CHST9: variants seen among roughly 807,000 people sequenced by gnomAD.
CHST9 encodes carbohydrate sulfotransferase 9.
Under a neutral mutation model 44.4 loss-of-function variants are expected in CHST9, and 41 were observed. The observed-to-expected ratio is 0.92, with a 90% CI of 0.72 to 1.20. The LOEUF (loss-of-function observed/expected upper bound fraction) is 1.20. Among genes scored for constraint, CHST9 ranks in the 50% most tolerant of loss-of-function variants. The pLI, the probability that CHST9 is intolerant of heterozygous loss-of-function variation, is 0.00. For synonymous variants in CHST9, 171 were observed against 178.4 expected, an observed-to-expected ratio of 0.96 and a Z score of 0.33; for missense variants, 504 against 516.5, an observed-to-expected ratio of 0.98 and a Z score of 0.23.
intron 4 of CHST9, among the ~76,000 whole-genome samples, chr18:26,994,724 G>A (rs2056864999): frequency 6.6e-6 from 1 of 152,022 alleles, no homozygotes; most frequent in African/African-American, 2.4e-5. Context: ...GAGTACCTGG[G>A]ATTACAGGTG....
rs181584343 is a variant in CHST9, at chr18:26,953,577, A to G, written c.203-9211T>C. 1.7e-3 allele frequency among the ~76,000 whole-genome samples: 265 copies of G among 152,254 alleles called. 1 individual carries two copies. The highest frequency in any genetic ancestry group is 6.1e-3 in the African/African-American group (254 of 41,558). ...TAGGGAGGTAGAAATGAGAAGGAAA[A>G]TGAAGAAAATCAAAGACAGCCTGTT... On this transcript the variant is annotated intron_variant, in intron 4 of 5. Coordinates refer to ENST00000618847, the MANE Select transcript of CHST9 (RefSeq NM_031422.6).
chr18:27,074,095 T>C (rs1428950748), intron 2 of CHST9, among the ~76,000 whole-genome samples: 2 of 152,138 alleles, frequency 1.3e-5, no homozygotes, highest in African/African-American at 4.8e-5. Flanking sequence ...TCATATTTTA[T>C]CCTAGCACAT....
At chr18:26,940,295 G>T (rs1441916304) in intron 5 of CHST9, among the ~76,000 whole-genome samples, 1 of 152,048 alleles carries the variant, frequency 6.6e-6, no homozygotes, top group African/African-American at 2.4e-5. Flanking sequence ...ACCTTTCTTG[G>T]TCTCGTCTGA....
At chr18:26,917,373 A>C (rs768050465) in intron 5 of CHST9, 23 bp from the exon 6 acceptor site, 5 of 1,599,226 alleles carry the variant, frequency 3.1e-6, no homozygotes, top group Non-Finnish European at 4.3e-6. Flanking sequence ...AGAAGGAGAA[A>C]TGTTGAAAGC....
chr18:27,074,568 T>A (rs944989272), intron 2 of CHST9, among the ~76,000 whole-genome samples: 2 of 152,078 alleles, frequency 1.3e-5, no homozygotes, highest in African/African-American at 4.8e-5. Context: ...GACAAAGCAT[T>A]CCCATCCTCC....
intron 3 of CHST9, among the ~76,000 whole-genome samples, chr18:27,040,331 G>A (rs756393492): frequency 2.6e-5 from 4 of 152,120 alleles, no homozygotes; most frequent in African/African-American, 7.2e-5. Flanking sequence ...ACTGGATCAC[G>A]TCTAAGAAAA....
At position 26,910,067 on chromosome 18, in the gene CHST9, T is replaced by C. The variant is rs898513445; in HGVS notation, c.*6192A>G. The C allele has an allele frequency of 1.3e-5, 2 of 152,096 alleles. No homozygotes were observed. Among genetic ancestry groups the C allele is most frequent in the African/African-American group, 4.8e-5 (2 of 41,394 alleles). 9.4% of individuals were successfully genotyped at this position (152,096 alleles called of 1,614,324 possible). A position where few individuals can be genotyped will look rare whatever the true frequency, so the allele number is the denominator to read the frequency against. Reference sequence around the variant, plus strand: ...AGCAGTGGGAGCCAGTTTCTGTCCCTAGATACTAGAGCTCCAAGAGCCTGG... The same window carrying C: ...AGCAGTGGGAGCCAGTTTCTGTCCCCAGATACTAGAGCTCCAAGAGCCTGG... On this transcript the variant is annotated 3_prime_UTR_variant, in exon 6 of 6. Coordinates refer to ENST00000618847, the MANE Select transcript of CHST9 (RefSeq NM_031422.6).
At position 26,975,741 on chromosome 18, in the gene CHST9, A is replaced by ATGTGTGTGTGTGTG. The variant is rs1568117398; in HGVS notation, c.203-31376_203-31375insCACACACACACACA. 7.7e-4 allele frequency among the ~76,000 whole-genome samples: 104 copies of ATGTGTGTGTGTGTG among 135,574 alleles called. 1 individual carries two copies. Among genetic ancestry groups the ATGTGTGTGTGTGTG allele is most frequent in the African/African-American group, 2.8e-3 (103 of 36,688 alleles). The allele number at this position is 135,574 out of a possible 152,430, so 88.9% of individuals were successfully genotyped here. A position where few individuals can be genotyped will look rare whatever the true frequency, so the allele number is the denominator to read the frequency against. On this transcript the variant is annotated intron_variant, in intron 4 of 5. Transcript: ENST00000618847. The stretch of plus-strand genomic sequence containing the variant: ...TGTGTGTGTGTATATATATATATAT[A>ATGTGTGTGTGTGTG]TATATATATATATATATATATATAA...
chr18:27,054,296 G>A (rs533063817), intron 2 of CHST9, among the ~76,000 whole-genome samples: 1 of 152,116 alleles, frequency 6.6e-6, no homozygotes, highest in Admixed American at 6.6e-5. Context: ...TCAGAATAAT[G>A]AACACACATT....
chr18:27,152,560 A>C (rs2058667457), intron 1 of CHST9, among the ~76,000 whole-genome samples: 1 of 152,210 alleles, frequency 6.6e-6, no homozygotes. Flanking sequence ...GAAAAATATC[A>C]TATTTGACAT....
chr18:27,127,213 GTGAGA>G (rs1405818644), intron 2 of CHST9, among the ~76,000 whole-genome samples: 1 of 152,124 alleles, frequency 6.6e-6, no homozygotes, highest in African/African-American at 2.4e-5. Context: ...TCCAAGTAGA[GTGAGA>G]TGAAAGAGAA....
At chr18:27,078,219 C>T (rs2057924962) in intron 2 of CHST9, among the ~76,000 whole-genome samples, 1 of 152,140 alleles carries the variant, frequency 6.6e-6, no homozygotes, top group Admixed American at 6.5e-5. Context: ...AACAGGGTAA[C>T]AGAGTGTGAC....
rs924373904 is a variant in CHST9, at chr18:26,949,250, G to T, written c.203-4884C>A. Among the ~76,000 whole-genome samples, 5 of 152,190 alleles carry T rather than the reference G, an allele frequency of 3.3e-5. No individual in the cohort carries two copies. In the East Asian group the frequency reaches 9.6e-4, roughly 29 times the overall value. ...GGAGCAGGTGGTATTTCTGAAGTAGGTTCTGGAGATTGATTGAATGTGGGA... is the reference window on the plus strand; with the variant it reads ...GGAGCAGGTGGTATTTCTGAAGTAGTTTCTGGAGATTGATTGAATGTGGGA... On this transcript the variant is annotated intron_variant, in intron 4 of 5. Coordinates refer to ENST00000618847, the MANE Select transcript of CHST9 (RefSeq NM_031422.6).
intron 2 of CHST9, among the ~76,000 whole-genome samples, chr18:27,139,783 GGTAA>G (rs1313507133): frequency 6.6e-6 from 1 of 152,010 alleles, no homozygotes; most frequent in African/African-American, 2.4e-5. Flanking sequence ...GAGAATAAAT[GGTAA>G]GTGTTTTACC....
intron 4 of CHST9, among the ~76,000 whole-genome samples, chr18:26,986,906 A>G (rs2056760666): frequency 6.6e-6 from 1 of 152,214 alleles, no homozygotes; most frequent in African/African-American, 2.4e-5. Flanking sequence ...TTATAGAAAA[A>G]TAAAAAGGAT....
chr18:27,013,623 C>T (rs1306768225), intron 4 of CHST9, among the ~76,000 whole-genome samples: 1 of 152,180 alleles, frequency 6.6e-6, no homozygotes, highest in Non-Finnish European at 1.5e-5. Flanking sequence ...ACTCAAGGTA[C>T]TGTGCAATTA....
At chr18:26,927,062 C>T (rs2055781119) in intron 5 of CHST9, among the ~76,000 whole-genome samples, 1 of 152,098 alleles carries the variant, frequency 6.6e-6, no homozygotes, top group Admixed American at 6.5e-5. Flanking sequence ...TGTGTGTGTC[C>T]AAGAGGGTTT....
chr18:26,932,465 T>A (rs2055895509), intron 5 of CHST9, among the ~76,000 whole-genome samples: 1 of 152,092 alleles, frequency 6.6e-6, no homozygotes, highest in African/African-American at 2.4e-5. Context: ...AAATTTATTT[T>A]AAATCTTGGC....
chr18:27,064,039 T>C (rs1258608425), intron 2 of CHST9, among the ~76,000 whole-genome samples: 2 of 152,124 alleles, frequency 1.3e-5, no homozygotes, highest in Admixed American at 1.3e-4. Flanking sequence ...TGAATACCTA[T>C]GGGCTATATA....
Sources: gnomAD v4.1 joint callset for allele counts (sites outside exome capture counted in the v4.1 genomes callset) on GRCh38, gnomAD v4.1.1 for gene constraint, MANE v1.5 for transcripts, NCBI Gene and HGNC (gene_info 2026-07-23, HGNC 2026-07-21) for gene names.